CACNA2D3: variants seen among roughly 807,000 people sequenced by gnomAD.
The protein encoded by CACNA2D3 is voltage-dependent calcium channel subunit alpha-2/delta-3.
In CACNA2D3, 60 loss-of-function variants were observed where a neutral mutation model predicts 160.6. The ratio of observed to expected loss-of-function variants is 0.37; its 90% confidence interval spans 0.30 to 0.46. The LOEUF (loss-of-function observed/expected upper bound fraction) is 0.46, where lower values mean the gene tolerates loss of function less well. CACNA2D3 is among the 20% of genes least tolerant of loss of function. The probability of loss-of-function intolerance (pLI) is 1.00; values close to 1 mark genes in which losing one functional copy is unlikely to be tolerated. For synonymous variants in CACNA2D3, 558 were observed against 492.9 expected, an observed-to-expected ratio of 1.13 and a Z score of -1.75; for missense variants, 1,205 against 1,365.0, an observed-to-expected ratio of 0.88 and a Z score of 1.85.
intron 13 of CACNA2D3, among the ~76,000 whole-genome samples, chr3:54,770,344 A>G (rs957429514): frequency 6.6e-6 from 1 of 152,194 alleles, no homozygotes; most frequent in African/African-American, 2.4e-5. Flanking sequence ...TTGGCCAAAG[A>G]TTCGTTTGAT....
At chr3:55,027,127 A>G (rs1703579905) in intron 35 of CACNA2D3, among the ~76,000 whole-genome samples, 1 of 152,200 alleles carries the variant, frequency 6.6e-6, no homozygotes, top group Non-Finnish European at 1.5e-5. Flanking sequence ...AATCAATTTA[A>G]GACTACTTTT....
At chr3:55,004,888 T>C (rs772048336) in intron 32 of CACNA2D3, 50 bp downstream of exon 32, 2 of 1,297,908 alleles carry the variant, frequency 1.5e-6, no homozygotes, top group East Asian at 4.6e-5. Flanking sequence ...TCTGTCTTTC[T>C]CCCTGTCTGA....
intron 11 of CACNA2D3, among the ~76,000 whole-genome samples, chr3:54,645,692 C>T (rs943468910): frequency 1.3e-5 from 2 of 152,172 alleles, no homozygotes; most frequent in Non-Finnish European, 2.9e-5. Context: ...CCGGAGCCTT[C>T]CCTCTTCTTC....
At chr3:54,825,918 A>G (rs1419056478) in intron 14 of CACNA2D3, among the ~76,000 whole-genome samples, 1 of 152,318 alleles carries the variant, frequency 6.6e-6, no homozygotes, top group Non-Finnish European at 1.5e-5. Context: ...GATATACTAG[A>G]TTAATATGAT....
intron 17 of CACNA2D3, among the ~76,000 whole-genome samples, chr3:54,860,017 C>CAA (rs1328624760): frequency 2.8e-4 from 41 of 148,226 alleles, no homozygotes; most frequent in Middle Eastern, 3.4e-3. Context: ...CACACACAAA[C>CAA]ACACATATTC....
intron 12 of CACNA2D3, among the ~76,000 whole-genome samples, chr3:54,760,992 T>C (rs1702070384): frequency 6.6e-6 from 1 of 152,116 alleles, no homozygotes; most frequent in Admixed American, 6.5e-5. Flanking sequence ...TTCAGAACCT[T>C]GGCTATGATA....
intron 4 of CACNA2D3, among the ~76,000 whole-genome samples, chr3:54,462,812 G>T (rs1335972561): frequency 5.3e-5 from 8 of 151,814 alleles, no homozygotes; most frequent in African/African-American, 1.7e-4. Context: ...ATTTGATCCT[G>T]TCATTATGAC....
intron 2 of CACNA2D3, among the ~76,000 whole-genome samples, chr3:54,307,282 G>A (rs1234625990): frequency 1.3e-5 from 2 of 152,164 alleles, no homozygotes; most frequent in Non-Finnish European, 2.9e-5. Flanking sequence ...TAAAGATGAT[G>A]TCTTCGCATC....
At chr3:55,060,157 G>A (rs1282966027) in intron 35 of CACNA2D3, among the ~76,000 whole-genome samples, 1 of 152,094 alleles carries the variant, frequency 6.6e-6, no homozygotes, top group Non-Finnish European at 1.5e-5. Flanking sequence ...TATGATGGGT[G>A]AGATGGCAGG....
At chr3:54,367,404 C>G (rs1179396308) in intron 3 of CACNA2D3, among the ~76,000 whole-genome samples, 1 of 152,162 alleles carries the variant, frequency 6.6e-6, no homozygotes. Flanking sequence ...TTCAGATGCC[C>G]TCCACCGTAT....
At chr3:54,706,408 T>A (rs965589203) in intron 11 of CACNA2D3, among the ~76,000 whole-genome samples, 24 of 152,164 alleles carry the variant, frequency 1.6e-4, no homozygotes, top group Admixed American at 9.2e-4. Flanking sequence ...TTGCCTAGGG[T>A]TATGCCTCAG....
chr3:54,975,467 T>C (rs1330425471), intron 29 of CACNA2D3, among the ~76,000 whole-genome samples: 2 of 133,528 alleles, frequency 1.5e-5, no homozygotes, highest in Non-Finnish European at 3.1e-5. Context: ...TGCAGTGAGC[T>C]AACATCTCAT....
intron 11 of CACNA2D3, among the ~76,000 whole-genome samples, chr3:54,697,031 CT>C (rs769440640): frequency 6.6e-6 from 1 of 152,136 alleles, no homozygotes; most frequent in African/African-American, 2.4e-5. Flanking sequence ...AATCCCAGCA[CT>C]TTGGGAGGCC....
intron 11 of CACNA2D3, among the ~76,000 whole-genome samples, chr3:54,747,604 G>A (rs11914780): frequency 0.2 from 29,687 of 151,978 alleles, 3,141 homozygotes; most frequent in African/African-American, 0.24. Flanking sequence ...TGGCTTGCAG[G>A]GATCCACATG....
rs59742127 is a variant in CACNA2D3 at position 54,350,991 on chromosome 3, T to G, written c.321+30433T>G. On this transcript the variant is annotated intron_variant, in intron 3 of 37. Coordinates refer to ENST00000474759, the MANE Select transcript of CACNA2D3 (RefSeq NM_018398.3). ...CTGTTTTTTTTTTTTTGTTTGTTTT[T>G]TTTTTTTTTTTTTTTGAGACAGAGT... 7.5e-3 allele frequency among the ~76,000 whole-genome samples: 747 copies of G among 100,030 alleles called. 20 individuals carry two copies. Among genetic ancestry groups the G allele is most frequent in the African/African-American group, 0.025 (603 of 24,554 alleles). 65.6% of individuals were successfully genotyped at this position (100,030 alleles called of 152,430 possible). A position where few individuals can be genotyped will look rare whatever the true frequency, so the allele number is the denominator to read the frequency against.
At chr3:54,279,980 C>A (rs1702833490) in intron 2 of CACNA2D3, among the ~76,000 whole-genome samples, 1 of 152,158 alleles carries the variant, frequency 6.6e-6, no homozygotes, top group South Asian at 2.1e-4. Context: ...TAGGCTAGTT[C>A]CACCTGTAGA....
chr3:54,413,424 C>CTATATATATATCTATA (rs1699703895), intron 4 of CACNA2D3, among the ~76,000 whole-genome samples: 1 of 145,542 alleles, frequency 6.9e-6, no homozygotes, highest in Non-Finnish European at 1.5e-5. Flanking sequence ...ATATAGATAT[C>CTATATATATATCTATA]TATATATATA....
intron 5 of CACNA2D3, among the ~76,000 whole-genome samples, chr3:54,522,557 A>T (rs1328133753): frequency 6.6e-6 from 1 of 152,204 alleles, no homozygotes; most frequent in East Asian, 1.9e-4. Context: ...CCATCAAGTG[A>T]GTAATTTATA....
chr3:54,391,862 G>T (rs1238678053), intron 4 of CACNA2D3, among the ~76,000 whole-genome samples: 1 of 152,126 alleles, frequency 6.6e-6, no homozygotes, highest in Non-Finnish European at 1.5e-5. Flanking sequence ...CCTCTGGCTT[G>T]TCCCTCTTTC....
Sources: gnomAD v4.1 joint callset for allele counts (sites outside exome capture counted in the v4.1 genomes callset) on GRCh38, gnomAD v4.1.1 for gene constraint, MANE v1.5 for transcripts, NCBI Gene and HGNC (gene_info 2026-07-23, HGNC 2026-07-21) for gene names.